DAB1: variants seen among roughly 807,000 people sequenced by gnomAD.
The protein encoded by DAB1 is DAB adaptor protein 1.
In DAB1, 15 loss-of-function variants were observed where a neutral mutation model predicts 64.6. The ratio of observed to expected loss-of-function variants is 0.23; its 90% confidence interval spans 0.16 to 0.36. The LOEUF (loss-of-function observed/expected upper bound fraction) is 0.36, where lower values mean the gene tolerates loss of function less well. DAB1 is among the 10% of genes least tolerant of loss of function. DAB1 has a pLI of 1.00. For synonymous variants in DAB1, 235 were observed against 251.9 expected, an observed-to-expected ratio of 0.93 and a Z score of 0.64; for missense variants, 596 against 706.7, an observed-to-expected ratio of 0.84 and a Z score of 1.78.
chr1:57,094,582 A>G (rs1653986568), intron 4 of DAB1, among the ~76,000 whole-genome samples: 1 of 152,152 alleles, frequency 6.6e-6, no homozygotes, highest in South Asian at 2.1e-4. Flanking sequence ...TCTAAATTAC[A>G]ATTACACATT....
intron 3 of DAB1, among the ~76,000 whole-genome samples, chr1:58,369,212 T>C (rs1260676063): frequency 6.6e-6 from 1 of 152,220 alleles, no homozygotes. Context: ...TCCCCCTCCA[T>C]GTTTCATATT....
At chr1:58,009,358 G>T (rs1042356820) in intron 5 of DAB1, among the ~76,000 whole-genome samples, 1 of 152,158 alleles carries the variant, frequency 6.6e-6, no homozygotes, top group African/African-American at 2.4e-5. Context: ...GATAAACAAT[G>T]AACAATGTTC....
At chr1:57,003,000 T>C (rs1025251223) in intron 14 of DAB1, among the ~76,000 whole-genome samples, 4 of 152,260 alleles carry the variant, frequency 2.6e-5, no homozygotes, top group African/African-American at 9.6e-5. Flanking sequence ...CCTCCCTTTA[T>C]AGACAATGGT....
At chr1:57,151,161 TGAACATTGTTCTTA>T (rs1557817349) in intron 2 of DAB1, among the ~76,000 whole-genome samples, 1 of 152,196 alleles carries the variant, frequency 6.6e-6, no homozygotes, top group Non-Finnish European at 1.5e-5. Context: ...TTAAAGCCTT[TGAACATTGTTCTTA>T]GACCACAAGG....
chr1:57,732,894 G>T (rs139007783), intron 6 of DAB1, among the ~76,000 whole-genome samples: 12 of 152,118 alleles, frequency 7.9e-5, no homozygotes, highest in Non-Finnish European at 1.2e-4. Flanking sequence ...CCTATTCTTG[G>T]TTTAAGGCTC....
intron 4 of DAB1, among the ~76,000 whole-genome samples, chr1:58,194,392 G>A (rs2100240780): frequency 6.6e-6 from 1 of 152,236 alleles, no homozygotes; most frequent in South Asian, 2.1e-4. Flanking sequence ...TTTCATACCT[G>A]GCTCAATAAA....
intron 7 of DAB1, among the ~76,000 whole-genome samples, chr1:57,543,294 GT>G (rs1644823279): frequency 2.6e-5 from 4 of 152,088 alleles, no homozygotes; most frequent in Admixed American, 2.6e-4. Context: ...TCAGGCCCTG[GT>G]TTTGCTCTTC....
chr1:58,275,830 C>A (rs1393005219), intron 4 of DAB1, among the ~76,000 whole-genome samples: 1 of 152,064 alleles, frequency 6.6e-6, no homozygotes, highest in African/African-American at 2.4e-5. Flanking sequence ...GGATATATAT[C>A]CAAAAGAATT....
chr1:57,105,731 C>T (rs1655084188), intron 4 of DAB1, among the ~76,000 whole-genome samples: 1 of 152,178 alleles, frequency 6.6e-6, no homozygotes, highest in African/African-American at 2.4e-5. Context: ...GCCTCCAGAA[C>T]CCAGCATGAT....
At chr1:58,535,410 C>T (rs1308842659) in intron 1 of DAB1, among the ~76,000 whole-genome samples, 26 of 152,028 alleles carry the variant, frequency 1.7e-4, no homozygotes, top group Admixed American at 1.7e-3. Flanking sequence ...TCCTGGCCAA[C>T]ACGGATGAAA....
At chr1:57,396,563 A>T (rs867213257) in intron 1 of DAB1, among the ~76,000 whole-genome samples, 12 of 152,208 alleles carry the variant, frequency 7.9e-5, no homozygotes, top group South Asian at 2.1e-4. Flanking sequence ...TTATCCAGAG[A>T]TATCACACTG....
intron 2 of DAB1, among the ~76,000 whole-genome samples, chr1:57,245,441 C>T (rs531432921): frequency 2.6e-5 from 4 of 152,216 alleles, no homozygotes; most frequent in South Asian, 4.2e-4. Flanking sequence ...AGGCCCCCAT[C>T]CCCTGAAAGG....
intron 4 of DAB1, among the ~76,000 whole-genome samples, chr1:57,121,493 A>G (rs1414649375): frequency 6.6e-6 from 1 of 152,098 alleles, no homozygotes; most frequent in Non-Finnish European, 1.5e-5. Context: ...AATTGTCCCA[A>G]CTGGAAATGC....
At chr1:57,804,762 GAA>G (rs2101876926) in intron 6 of DAB1, among the ~76,000 whole-genome samples, 1 of 152,320 alleles carries the variant, frequency 6.6e-6, no homozygotes, top group African/African-American at 2.4e-5. Flanking sequence ...CAGACTCTTT[GAA>G]AATATCCAGT....
At chr1:57,182,964 A>C (rs903690308) in intron 2 of DAB1, among the ~76,000 whole-genome samples, 2 of 152,174 alleles carry the variant, frequency 1.3e-5, no homozygotes, top group Non-Finnish European at 1.5e-5. Flanking sequence ...GCCTCATTTT[A>C]ACTGCTCAAT....
chr1:57,362,320 A>C (rs1679621167), intron 1 of DAB1, among the ~76,000 whole-genome samples: 1 of 146,216 alleles, frequency 6.8e-6, no homozygotes, highest in African/African-American at 2.6e-5. Context: ...TGCTCAAAAA[A>C]CGTAAATCAT....
intron 1 of DAB1, among the ~76,000 whole-genome samples, chr1:57,308,268 C>G (rs551805921): frequency 6.6e-6 from 1 of 152,246 alleles, no homozygotes; most frequent in South Asian, 2.1e-4. Context: ...TGCAAACAGT[C>G]ATTCTCTTGA....
intron 1 of DAB1, among the ~76,000 whole-genome samples, chr1:58,529,069 A>T (rs10889099): frequency 0.15 from 22,987 of 152,242 alleles, 1,820 homozygotes; most frequent in Middle Eastern, 0.22. Flanking sequence ...CGGGTCAGTG[A>T]CAGAAACAAA....
intron 5 of DAB1, among the ~76,000 whole-genome samples, chr1:58,115,867 T>C (rs1206598638): frequency 5.1e-5 from 6 of 117,834 alleles, no homozygotes; most frequent in Non-Finnish European, 1.0e-4. Context: ...AGGGATAGCA[T>C]TGGGAGATAT....
Sources: allele counts gnomAD v4.1 joint callset (sites outside exome capture counted in the v4.1 genomes callset), GRCh38; gene constraint gnomAD v4.1.1; transcripts MANE v1.5; gene names NCBI Gene and HGNC (gene_info 2026-07-23, HGNC 2026-07-21).